BICD1: variants seen among roughly 807,000 people sequenced by gnomAD.
BICD1 encodes the protein protein bicaudal D homolog 1.
BICD1 carries 35 observed loss-of-function variants against 92.5 expected under a neutral mutation model. That is an observed-to-expected ratio of 0.38 (90% CI 0.29 to 0.50). The LOEUF is 0.50. BICD1 is among the 20% of genes least tolerant of loss of function. The probability of loss-of-function intolerance (pLI) is 0.93; values close to 1 mark genes in which losing one functional copy is unlikely to be tolerated. For missense variants in BICD1, 950 were observed against 1,189.8 expected (o/e 0.80, Z 2.97); for synonymous variants, 429 against 465.1 (o/e 0.92, Z 1.00).
chr12:32,173,741 C>T (rs969286568), intron 1 of BICD1, among the ~76,000 whole-genome samples: 1 of 152,162 alleles, frequency 6.6e-6, no homozygotes, highest in Non-Finnish European at 1.5e-5. Flanking sequence ...CTTTGATTTT[C>T]ATCTCTGAAA....
intron 2 of BICD1, among the ~76,000 whole-genome samples, chr12:32,233,130 T>A (rs980569138): frequency 2.6e-5 from 4 of 152,216 alleles, no homozygotes; most frequent in Non-Finnish European, 5.9e-5. Flanking sequence ...GAGACCAGCC[T>A]GGCCAATATG....
intron 2 of BICD1, among the ~76,000 whole-genome samples, chr12:32,260,747 C>T (rs1311924873): frequency 6.6e-6 from 1 of 151,420 alleles, no homozygotes; most frequent in Admixed American, 6.6e-5. Flanking sequence ...TGTTACTTGT[C>T]TGTTTCTCCT....
intron 4 of BICD1, among the ~76,000 whole-genome samples, chr12:32,318,597 G>A (rs1423904485): frequency 6.6e-6 from 1 of 152,208 alleles, no homozygotes; most frequent in African/African-American, 2.4e-5. Context: ...GCTCACACCT[G>A]TAATCCCAGC....
At chr12:32,296,125 A>G (rs75113948) in intron 3 of BICD1, among the ~76,000 whole-genome samples, 2,188 of 149,096 alleles carry the variant, frequency 0.015, 35 homozygotes, top group African/African-American at 0.042. Flanking sequence ...AGGGCTGGCC[A>G]TTCCAGAGGC....
At chr12:32,293,961 G>T in intron 2 of BICD1, 33 bp from the exon 3 acceptor site, 1 of 1,595,852 alleles carries the variant, frequency 6.3e-7, no homozygotes, top group Non-Finnish European at 8.5e-7. Context: ...CAATAAGAGA[G>T]TTATATATTG....
chr12:32,372,409 G>A (rs1939773774), intron 9 of BICD1, among the ~76,000 whole-genome samples: 1 of 152,138 alleles, frequency 6.6e-6, no homozygotes, highest in Non-Finnish European at 1.5e-5. Flanking sequence ...GGAACAGGGA[G>A]GCGGAGGTTG....
intron 2 of BICD1, among the ~76,000 whole-genome samples, chr12:32,292,487 T>C (rs1204743680): frequency 2.0e-5 from 3 of 152,208 alleles, no homozygotes; most frequent in Non-Finnish European, 2.9e-5. Flanking sequence ...TGGGAGACAA[T>C]TGAACCTACA....
intron 2 of BICD1, among the ~76,000 whole-genome samples, chr12:32,259,400 C>T (rs1178472793): frequency 2.0e-5 from 3 of 152,192 alleles, no homozygotes; most frequent in African/African-American, 4.8e-5. Flanking sequence ...TGATTACGAT[C>T]TATGTAAAGC....
Position 32,183,979 on chromosome 12 carries a change from C to G in BICD1, c.214-32268C>G, listed in dbSNP as rs141373416. On this transcript the variant is annotated intron_variant, in intron 1 of 9. Transcript: ENST00000652176. ...TCCAGCCCGTCACCACTGGACCACCCTGTATGTAAATCCTCTCAGTAAACC... is the reference window on the plus strand; with the variant it reads ...TCCAGCCCGTCACCACTGGACCACCGTGTATGTAAATCCTCTCAGTAAACC... Among the ~76,000 whole-genome samples, 75 of 152,294 alleles carry G rather than the reference C, an allele frequency of 4.9e-4. 3 individuals are homozygous for G. The East Asian group carries it at 6.4e-3, about 13-fold the overall frequency.
At chr12:32,281,649 A>G (rs748431996) in intron 2 of BICD1, among the ~76,000 whole-genome samples, 6 of 152,218 alleles carry the variant, frequency 3.9e-5, no homozygotes, top group Non-Finnish European at 8.8e-5. Flanking sequence ...GTCACCAATA[A>G]GGGTTTTTAA....
intron 1 of BICD1, among the ~76,000 whole-genome samples, chr12:32,180,163 A>G (rs1346021302): frequency 1.3e-5 from 2 of 151,852 alleles, no homozygotes; most frequent in African/African-American, 4.8e-5. Flanking sequence ...AGTTAAGTAT[A>G]GATGTGGCCG....
At chr12:32,223,461 G>A (rs1365179441) in intron 2 of BICD1, among the ~76,000 whole-genome samples, 2 of 149,276 alleles carry the variant, frequency 1.3e-5, no homozygotes, top group Non-Finnish European at 2.9e-5. Context: ...GTGTTGCAGT[G>A]AGCCAAGATC....
At chr12:32,285,378 AG>A (rs1221545546) in intron 2 of BICD1, among the ~76,000 whole-genome samples, 1 of 152,156 alleles carries the variant, frequency 6.6e-6, no homozygotes, top group Non-Finnish European at 1.5e-5. Flanking sequence ...GATAGTAAAC[AG>A]GGGTTTGTTA....
At chr12:32,346,562 A>ATATATATATATATATACGTGTG (rs1938594345) in intron 8 of BICD1, among the ~76,000 whole-genome samples, 4 of 37,172 alleles carry the variant, frequency 1.1e-4, no homozygotes, top group South Asian at 1.4e-3. Context: ...ATATATATAT[A>ATATATATATATATATACGTGTG]TATATATATA....
chr12:32,255,946 A>G (rs1592566344), intron 2 of BICD1, among the ~76,000 whole-genome samples: 1 of 151,806 alleles, frequency 6.6e-6, no homozygotes, highest in Non-Finnish European at 1.5e-5. Flanking sequence ...ATTAATGATA[A>G]TATTATTAAT....
At chr12:32,127,591 A>G (rs1259224681) in intron 1 of BICD1, among the ~76,000 whole-genome samples, 1 of 152,226 alleles carries the variant, frequency 6.6e-6, no homozygotes. Context: ...AGTTCTTGGT[A>G]GCTGATGGAA....
intron 1 of BICD1, among the ~76,000 whole-genome samples, chr12:32,190,121 AG>A (rs1398138261): frequency 6.6e-6 from 1 of 152,236 alleles, no homozygotes; most frequent in Admixed American, 6.5e-5. Context: ...CAGAAGATAA[AG>A]AAATGAATCA....
intron 2 of BICD1, among the ~76,000 whole-genome samples, chr12:32,257,733 G>T (rs1016544773): frequency 2.0e-5 from 3 of 152,022 alleles, no homozygotes; most frequent in African/African-American, 7.2e-5. Context: ...AAAAACAACG[G>T]AAATTACTAT....
intron 1 of BICD1, among the ~76,000 whole-genome samples, chr12:32,186,262 A>G (rs1377947055): frequency 6.6e-6 from 1 of 152,244 alleles, no homozygotes; most frequent in South Asian, 2.1e-4. Flanking sequence ...AGGTGGCCAC[A>G]TACAACATAC....
Sources: allele counts gnomAD v4.1 joint callset (sites outside exome capture counted in the v4.1 genomes callset), GRCh38; gene constraint gnomAD v4.1.1; transcripts MANE v1.5; gene names NCBI Gene and HGNC (gene_info 2026-07-23, HGNC 2026-07-21).